Variants in ADAMTSL1 observed in about 807,000 individuals in gnomAD.
The protein encoded by ADAMTSL1 is ADAMTS like 1.
ADAMTSL1 carries 126 observed loss-of-function variants against 201.8 expected under a neutral mutation model. The observed-to-expected ratio is 0.62, with a 90% CI of 0.54 to 0.72. ADAMTSL1 has a LOEUF of 0.72. ADAMTSL1 is among the 30% of genes least tolerant of loss of function. The pLI is 0.00. For missense variants in ADAMTSL1, 2,679 were observed against 2,277.8 expected (o/e 1.18, Z -3.59); for synonymous variants, 1,121 against 903.4 (o/e 1.24, Z -4.32).
intron 2 of ADAMTSL1, among the ~76,000 whole-genome samples, chr9:18,175,246 A>T (rs188072311): frequency 6.6e-6 from 1 of 152,238 alleles, no homozygotes; most frequent in Non-Finnish European, 1.5e-5. Flanking sequence ...GAACCCTAAG[A>T]TATTGTGTTT....
At chr9:18,281,832 A>T (rs1832802252) in intron 2 of ADAMTSL1, among the ~76,000 whole-genome samples, 1 of 152,212 alleles carries the variant, frequency 6.6e-6, no homozygotes, top group African/African-American at 2.4e-5. Context: ...AGCCTCTAAA[A>T]GTGCTGGGAT....
chr9:18,898,099 G>A (rs944948658), intron 26 of ADAMTSL1, among the ~76,000 whole-genome samples: 1 of 152,092 alleles, frequency 6.6e-6, no homozygotes, highest in African/African-American at 2.4e-5. Flanking sequence ...TGAGGCAGGA[G>A]AATCACTTGA....
intron 1 of ADAMTSL1, among the ~76,000 whole-genome samples, chr9:18,122,943 T>G (rs1825566811): frequency 6.6e-6 from 1 of 152,174 alleles, no homozygotes; most frequent in Non-Finnish European, 1.5e-5. Context: ...TTCACCATGT[T>G]GTCCAGGCTG....
intron 26 of ADAMTSL1, among the ~76,000 whole-genome samples, chr9:18,898,910 T>C (rs1829830000): frequency 6.6e-6 from 1 of 152,174 alleles, no homozygotes; most frequent in South Asian, 2.1e-4. Context: ...ATGCCCTCTC[T>C]CACCACTCCT....
At chr9:18,721,015 C>T (rs1343803857) in intron 14 of ADAMTSL1, among the ~76,000 whole-genome samples, 3 of 152,158 alleles carry the variant, frequency 2.0e-5, no homozygotes, top group Admixed American at 6.5e-5. Context: ...AAGAAATGAA[C>T]CAGAATCAGA....
intron 1 of ADAMTSL1, among the ~76,000 whole-genome samples, chr9:17,985,382 ACC>A (rs1290679011): frequency 6.6e-6 from 1 of 152,144 alleles, no homozygotes; most frequent in East Asian, 1.9e-4. Context: ...ATCTAGGAAG[ACC>A]ATTTAAAATA....
chr9:18,150,308 C>A (rs1826852312), intron 1 of ADAMTSL1, among the ~76,000 whole-genome samples: 1 of 151,944 alleles, frequency 6.6e-6, no homozygotes, highest in Non-Finnish European at 1.5e-5. Flanking sequence ...GGAAGACAGT[C>A]TGAAGGGTAT....
intron 2 of ADAMTSL1, among the ~76,000 whole-genome samples, chr9:18,287,671 G>A (rs564443180): frequency 3.3e-5 from 5 of 150,220 alleles, no homozygotes; most frequent in South Asian, 2.1e-4. Flanking sequence ...ATATGTATGT[G>A]TATACATACA....
At chr9:18,814,472 C>A (rs963086877) in intron 20 of ADAMTSL1, among the ~76,000 whole-genome samples, 4 of 152,072 alleles carry the variant, frequency 2.6e-5, no homozygotes, top group African/African-American at 7.2e-5. Flanking sequence ...CTTTATCTGG[C>A]AAGGGATTAA....
At chr9:18,190,938 T>G (rs1828944407) in intron 2 of ADAMTSL1, among the ~76,000 whole-genome samples, 1 of 152,162 alleles carries the variant, frequency 6.6e-6, no homozygotes, top group South Asian at 2.1e-4. Context: ...CTTGTTTTCT[T>G]GTTAACTGGC....
At chr9:18,532,648 G>T (rs535313448) in intron 2 of ADAMTSL1, among the ~76,000 whole-genome samples, 1 of 151,894 alleles carries the variant, frequency 6.6e-6, no homozygotes, top group African/African-American at 2.4e-5. Context: ...ATTTATACTG[G>T]AAAGGACTAA....
chr9:18,416,595 C>G (rs1271288977), intron 2 of ADAMTSL1, among the ~76,000 whole-genome samples: 1 of 151,926 alleles, frequency 6.6e-6, no homozygotes, highest in Non-Finnish European at 1.5e-5. Flanking sequence ...ACCATGCTAA[C>G]TAACATTTAT....
chr9:18,675,493 A>G (rs1244118256), intron 9 of ADAMTSL1, among the ~76,000 whole-genome samples: 1 of 152,212 alleles, frequency 6.6e-6, no homozygotes, highest in Non-Finnish European at 1.5e-5. Context: ...AGTAACATGA[A>G]TAATGATGAT....
intron 2 of ADAMTSL1, among the ~76,000 whole-genome samples, chr9:18,291,741 T>A (rs1484820615): frequency 0.026 from 3,236 of 124,116 alleles, 139 homozygotes; most frequent in African/African-American, 0.092. Context: ...TCTCTCTCTC[T>A]CTCTCTCACA....
At chr9:18,320,593 T>C (rs1165612791) in intron 2 of ADAMTSL1, among the ~76,000 whole-genome samples, 1 of 152,164 alleles carries the variant, frequency 6.6e-6, no homozygotes, top group Non-Finnish European at 1.5e-5. Context: ...AGAGGGTAAA[T>C]ACAAAAGACA....
At chr9:18,845,561 G>A (rs1826052730) in intron 23 of ADAMTSL1, among the ~76,000 whole-genome samples, 2 of 152,234 alleles carry the variant, frequency 1.3e-5, no homozygotes, top group South Asian at 4.1e-4. Flanking sequence ...GCCTGGCAGT[G>A]AGGCCACAGC....
chr9:18,716,910 A>G (rs1186087824), intron 14 of ADAMTSL1, among the ~76,000 whole-genome samples: 1 of 140,216 alleles, frequency 7.1e-6, no homozygotes, highest in African/African-American at 2.6e-5. Context: ...ATGCAGCCAT[A>G]AAAAATGATG....
intron 20 of ADAMTSL1, among the ~76,000 whole-genome samples, chr9:18,796,280 T>C (rs1181001249): frequency 6.6e-6 from 1 of 152,220 alleles, no homozygotes; most frequent in African/African-American, 2.4e-5. Flanking sequence ...GTCACACAGC[T>C]GCTCTGCTAG....
chr9:18,011,771 G>A (rs1820062379), intron 1 of ADAMTSL1, among the ~76,000 whole-genome samples: 2 of 151,966 alleles, frequency 1.3e-5, no homozygotes, highest in South Asian at 4.1e-4. Flanking sequence ...GCTTGCCCAA[G>A]CTCACACAAC....
Sources: allele counts gnomAD v4.1 joint callset (sites outside exome capture counted in the v4.1 genomes callset), GRCh38; gene constraint gnomAD v4.1.1; transcripts MANE v1.5; gene names NCBI Gene and HGNC (gene_info 2026-07-23, HGNC 2026-07-21).